FHIT: variants seen among roughly 807,000 people sequenced by gnomAD.
FHIT encodes the protein bis(5'-adenosyl)-triphosphatase.
Under a neutral mutation model 17.9 loss-of-function variants are expected in FHIT, and 19 were observed. The ratio of observed to expected loss-of-function variants is 1.06; its 90% CI spans 0.74 to 1.56. FHIT has a LOEUF of 1.56. Among genes scored for constraint, FHIT ranks in the 40% most tolerant of loss-of-function variants. FHIT has a pLI of 0.00. For synonymous variants in FHIT, 81 were observed against 69.7 expected, an observed-to-expected ratio of 1.16 and a Z score of -0.81; for missense variants, 248 against 189.2, an observed-to-expected ratio of 1.31 and a Z score of -1.82.
intron 3 of FHIT, among the ~76,000 whole-genome samples, chr3:60,962,412 T>C (rs1559868997): frequency 6.6e-6 from 1 of 152,234 alleles, no homozygotes; most frequent in Non-Finnish European, 1.5e-5. Context: ...CCTAATTCAA[T>C]ACACTTTATT....
At chr3:60,825,243 T>C (rs575893501) in intron 3 of FHIT, among the ~76,000 whole-genome samples, 1 of 152,264 alleles carries the variant, frequency 6.6e-6, no homozygotes, top group Non-Finnish European at 1.5e-5. Context: ...AGGGGACATA[T>C]ATTAAATCAG....
At position 59,747,332 on chromosome 3, in the gene FHIT, AG is replaced by A. The variant is rs1553657096; in HGVS notation, c.*2252del. 6.6e-6 allele frequency among the ~76,000 whole-genome samples: 1 copy of A among 152,164 alleles called. No homozygotes were observed. Among genetic ancestry groups the A allele is most frequent in the Non-Finnish European group, 1.5e-5 (1 of 68,024 alleles). On this transcript the variant is annotated 3_prime_UTR_variant, in exon 10 of 10. Coordinates refer to ENST00000492590, the MANE Select transcript of FHIT (RefSeq NM_002012.4). ...TCGCAATCATGGAGGAAGGCAAAAG[AG>A]GAGCAAAGCCACATCTTACATGGCA... is the stretch of plus-strand genomic sequence containing the variant.
At chr3:60,873,424 G>A (rs1236698477) in intron 3 of FHIT, among the ~76,000 whole-genome samples, 4 of 152,182 alleles carry the variant, frequency 2.6e-5, no homozygotes, top group Non-Finnish European at 5.9e-5. Context: ...CCGTCCCAGG[G>A]AGCTGTGGAT....
At chr3:60,223,717 T>C (rs1704063425) in intron 5 of FHIT, among the ~76,000 whole-genome samples, 1 of 152,172 alleles carries the variant, frequency 6.6e-6, no homozygotes. Context: ...CATTCCTACA[T>C]ACAGGTGCTA....
At chr3:59,998,962 CT>C (rs1699623787) in intron 7 of FHIT, among the ~76,000 whole-genome samples, 1 of 152,116 alleles carries the variant, frequency 6.6e-6, no homozygotes, top group Non-Finnish European at 1.5e-5. Flanking sequence ...CCCTCCGGCA[CT>C]TTATTTAAAT....
intron 2 of FHIT, among the ~76,000 whole-genome samples, chr3:61,121,364 A>G (rs1260856228): frequency 6.6e-6 from 1 of 152,240 alleles, no homozygotes; most frequent in East Asian, 1.9e-4. Flanking sequence ...TTATCCACAA[A>G]GGGAAGCCCA....
intron 5 of FHIT, among the ~76,000 whole-genome samples, chr3:60,287,731 A>G (rs1707793487): frequency 6.6e-6 from 1 of 152,126 alleles, no homozygotes; most frequent in Admixed American, 6.6e-5. Flanking sequence ...GGGGAGACAA[A>G]GAAGGAAAAG....
chr3:60,394,268 A>G (rs577408044), intron 5 of FHIT, among the ~76,000 whole-genome samples: 5 of 152,288 alleles, frequency 3.3e-5, no homozygotes, highest in East Asian at 3.9e-4. Flanking sequence ...TCTCTAAATT[A>G]CAGTTCTTAA....
chr3:60,913,329 T>C lies in FHIT; in HGVS notation c.-110-91318A>G, dbSNP rs143909196. On this transcript the variant is annotated intron_variant, in intron 3 of 9. Coordinates refer to ENST00000492590, the MANE Select transcript of FHIT (RefSeq NM_002012.4). Reference sequence around the variant, plus strand: ...CTGCCTGATAATAATAAGCAACTTGTAAATCTTTGAATGGATGGGCTTGCC... The same window carrying C: ...CTGCCTGATAATAATAAGCAACTTGCAAATCTTTGAATGGATGGGCTTGCC... 9.2e-4 allele frequency among the ~76,000 whole-genome samples: 140 copies of C among 152,336 alleles called. 1 individual carries two copies. The highest frequency in any genetic ancestry group is 3.2e-3 in the African/African-American group (132 of 41,588).
chr3:60,740,338 C>G (rs1553713626), intron 4 of FHIT, among the ~76,000 whole-genome samples: 1 of 152,124 alleles, frequency 6.6e-6, no homozygotes, highest in African/African-American at 2.4e-5. Flanking sequence ...TTCATTAACC[C>G]CTTCAATCCT....
At chr3:60,060,893 A>G (rs1220417002) in intron 5 of FHIT, among the ~76,000 whole-genome samples, 4 of 152,198 alleles carry the variant, frequency 2.6e-5, no homozygotes, top group Non-Finnish European at 5.9e-5. Context: ...AGGAACAAAA[A>G]CTTTTCACTT....
At position 59,991,917 on chromosome 3, in the gene FHIT, T is replaced by C. The variant is rs1328463218; in HGVS notation, c.279+19454A>G. 2.0e-5 allele frequency among the ~76,000 whole-genome samples: 3 copies of C among 152,046 alleles called. No homozygotes were observed. The East Asian group carries it at 5.8e-4, about 29-fold the overall frequency. On this transcript the variant is annotated intron_variant, in intron 7 of 9. Coordinates refer to ENST00000492590, the MANE Select transcript of FHIT (RefSeq NM_002012.4). Reference sequence around the variant, plus strand: ...CCATACCTGAAGTCAGAAACTTCCCTTGAACTCTTTAATTATGTGACCCAA... The same window carrying C: ...CCATACCTGAAGTCAGAAACTTCCCCTGAACTCTTTAATTATGTGACCCAA...
intron 4 of FHIT, among the ~76,000 whole-genome samples, chr3:60,790,460 C>T (rs1553728188): frequency 6.6e-6 from 1 of 152,170 alleles, no homozygotes; most frequent in Non-Finnish European, 1.5e-5. Context: ...TTCCAAAATA[C>T]AAAAGCTGCA....
rs552877318 is a variant in FHIT at position 60,048,087 on chromosome 3, C to T, written c.104-33935G>A. On this transcript the variant is annotated intron_variant, in intron 5 of 9. Transcript: ENST00000492590. ...CCGTGTGTGCACCTTCCTGGTATGC[C>T]TTTGTGTGTCCTAATCTCCTCCACG... Among the ~76,000 whole-genome samples, 402 of 152,314 alleles carry T rather than the reference C, an allele frequency of 2.6e-3. 4 individuals are homozygous for T. The highest frequency in any genetic ancestry group is 9.3e-3 in the African/African-American group (386 of 41,564).
At chr3:60,373,422 A>G (rs1700419739) in intron 5 of FHIT, among the ~76,000 whole-genome samples, 1 of 152,326 alleles carries the variant, frequency 6.6e-6, no homozygotes, top group South Asian at 2.1e-4. Flanking sequence ...GTGTGGTTGC[A>G]GTACAGAGAG....
At chr3:60,104,667 CT>C (rs1446657009) in intron 5 of FHIT, among the ~76,000 whole-genome samples, 1 of 151,886 alleles carries the variant, frequency 6.6e-6, no homozygotes, top group African/African-American at 2.4e-5. Context: ...AATTAATGGC[CT>C]TAGAGAAGGT....
chr3:60,097,037 A>AAG (rs2107122330), intron 5 of FHIT, among the ~76,000 whole-genome samples: 1 of 151,532 alleles, frequency 6.6e-6, no homozygotes, highest in South Asian at 2.1e-4. Flanking sequence ...AAAAAAAAAA[A>AAG]AAAAGGAATA....
At chr3:60,046,970 T>G (rs1454782659) in intron 5 of FHIT, among the ~76,000 whole-genome samples, 1 of 152,236 alleles carries the variant, frequency 6.6e-6, no homozygotes, top group East Asian at 1.9e-4. Flanking sequence ...AGGGCTATTC[T>G]CAGCACATCC....
rs964955458 is a variant in FHIT, at chr3:60,524,923, A to G, written c.103+11937T>C. ...CCATTCACAGGTTTCAAGGATTGAG[A>G]TATGGACATCTCTTTTGAGGGATCC... is the stretch of plus-strand genomic sequence containing the variant. On this transcript the variant is annotated intron_variant, in intron 5 of 9. Coordinates refer to ENST00000492590, the MANE Select transcript of FHIT (RefSeq NM_002012.4). Among the ~76,000 whole-genome samples the G allele has an allele frequency of 2.0e-5, 3 of 152,320 alleles. No homozygotes were observed. In the East Asian group the frequency reaches 5.8e-4, roughly 29 times the overall value.
Sources: gnomAD v4.1 joint callset for allele counts (sites outside exome capture counted in the v4.1 genomes callset) on GRCh38, gnomAD v4.1.1 for gene constraint, MANE v1.5 for transcripts, NCBI Gene and HGNC (gene_info 2026-07-23, HGNC 2026-07-21) for gene names.